Variants in NEK6 observed in about 807,000 individuals in gnomAD.
The protein encoded by NEK6 is serine/threonine-protein kinase Nek6.
NEK6 carries 27 observed loss-of-function variants against 43.5 expected under a neutral mutation model. The ratio of observed to expected loss-of-function variants is 0.62; its 90% CI spans 0.46 to 0.86. The LOEUF (loss-of-function observed/expected upper bound fraction) is 0.86. Among genes scored for constraint, NEK6 ranks in the 40% least tolerant of loss-of-function variants. NEK6 has a pLI of 0.00. For synonymous variants in NEK6, 167 were observed against 164.1 expected (o/e 1.02, Z -0.14); for missense variants, 318 against 414.4 (o/e 0.77, Z 2.02).
chr9:124,298,171 C>T (rs572669308), intron 1 of NEK6, among the ~76,000 whole-genome samples: 1 of 152,226 alleles, frequency 6.6e-6, no homozygotes, highest in South Asian at 2.1e-4. Flanking sequence ...ATGGGAAAGA[C>T]CTGGCCCACA....
intron 2 of NEK6, among the ~76,000 whole-genome samples, chr9:124,305,342 T>C (rs1207566739): frequency 6.6e-6 from 1 of 151,988 alleles, no homozygotes; most frequent in African/African-American, 2.4e-5. Context: ...ATCACCTGAG[T>C]CTGGAGTTCA....
chr9:124,292,111 C>T (rs1297900645), intron 1 of NEK6: 2 of 1,084,004 alleles, frequency 1.8e-6, no homozygotes, highest in Non-Finnish European at 2.2e-6. Flanking sequence ...TCTCTGCCTC[C>T]TGCTGTGGGA....
chr9:124,348,303 C>T (rs1364448433), intron 9 of NEK6, among the ~76,000 whole-genome samples: 2 of 152,212 alleles, frequency 1.3e-5, no homozygotes, highest in African/African-American at 4.8e-5. Flanking sequence ...TGGGCTTCTA[C>T]TGTCAACATT....
chr9:124,304,339 A>G (rs1309088691), intron 2 of NEK6, among the ~76,000 whole-genome samples: 2 of 152,106 alleles, frequency 1.3e-5, no homozygotes, highest in African/African-American at 4.8e-5. Context: ...CTTCCCTGAA[A>G]CCATCCTCAG....
Position 124,326,317 on chromosome 9 carries a change from T to TC in NEK6, c.406-8dup. ...ACCCGGGCCTATCCCTCTGCTTGTC[T>TC]CCCCCACTGCAGTACTTTAAGAAGC... On this transcript the variant is annotated splice_polypyrimidine_tract_variant and intron_variant, in intron 5 of 9. Coordinates refer to ENST00000320246, the MANE Select transcript of NEK6 (RefSeq NM_014397.6). The surrounding 1 kb of genome is among the most constrained non-coding windows in gnomAD (Gnocchi z 4.5). 1 of 1,582,042 alleles carries TC rather than the reference T, an allele frequency of 6.3e-7. No homozygotes were observed. The highest frequency in any genetic ancestry group is 1.1e-5 in the South Asian group (1 of 90,754).
At chr9:124,267,254 C>A (rs1831266020) in intron 1 of NEK6, among the ~76,000 whole-genome samples, 1 of 152,238 alleles carries the variant, frequency 6.6e-6, no homozygotes, top group Non-Finnish European at 1.5e-5. Flanking sequence ...GTGGCCTTGG[C>A]GGGCCACCAG....
chr9:124,294,148 C>T (rs1296593129), intron 1 of NEK6, among the ~76,000 whole-genome samples: 2 of 152,194 alleles, frequency 1.3e-5, no homozygotes, highest in African/African-American at 2.4e-5. Context: ...GGAGGATCAC[C>T]TGAGGTCAGT....
At chr9:124,282,057 G>T (rs960952865) in intron 1 of NEK6, among the ~76,000 whole-genome samples, 2 of 152,220 alleles carry the variant, frequency 1.3e-5, no homozygotes, top group African/African-American at 4.8e-5. Flanking sequence ...GCGGTGGGGC[G>T]TATTGGTTTC....
intron 4 of NEK6, among the ~76,000 whole-genome samples, chr9:124,320,596 T>C (rs907267039): frequency 6.6e-6 from 1 of 152,180 alleles, no homozygotes; most frequent in African/African-American, 2.4e-5. Flanking sequence ...CTCTTTGATA[T>C]AAACAGTCAG....
chr9:124,312,880 C>T (rs750026495), intron 3 of NEK6, among the ~76,000 whole-genome samples: 6 of 152,214 alleles, frequency 3.9e-5, no homozygotes, highest in Non-Finnish European at 7.3e-5. Context: ...TGTACTGGGT[C>T]ATGCAAGGAG....
chr9:124,291,034 C>G (rs1455763665), intron 1 of NEK6, among the ~76,000 whole-genome samples: 5 of 152,148 alleles, frequency 3.3e-5, no homozygotes, highest in Non-Finnish European at 7.3e-5. Flanking sequence ...AATGCAGGGC[C>G]CGAATAAAGA....
chr9:124,288,139 C>T (rs927158003), intron 1 of NEK6, among the ~76,000 whole-genome samples: 1 of 152,234 alleles, frequency 6.6e-6, no homozygotes, highest in African/African-American at 2.4e-5. Context: ...GGCCCAAAGG[C>T]CTGGTGTCCA....
intron 1 of NEK6, among the ~76,000 whole-genome samples, chr9:124,280,222 C>T (rs1469890769): frequency 6.6e-6 from 1 of 152,232 alleles, no homozygotes; most frequent in Non-Finnish European, 1.5e-5. Context: ...AAAAGTGTGT[C>T]CTGTGACTGC....
intron 4 of NEK6, 60 bp from the exon 5 acceptor site, chr9:124,321,399 G>T: frequency 9.0e-7 from 1 of 1,106,516 alleles, no homozygotes; most frequent in Non-Finnish European, 1.4e-6. Flanking sequence ...GTGGCAGGCA[G>T]GCACTGGGTC....
intron 1 of NEK6, among the ~76,000 whole-genome samples, chr9:124,280,629 C>T (rs1167969118): frequency 1.3e-5 from 2 of 152,214 alleles, no homozygotes; most frequent in Non-Finnish European, 2.9e-5. Flanking sequence ...ATCAGGCCTC[C>T]AGGGCCACAT....
chr9:124,336,543 C>T (rs749318025), intron 7 of NEK6, among the ~76,000 whole-genome samples: 1 of 152,192 alleles, frequency 6.6e-6, no homozygotes, highest in Non-Finnish European at 1.5e-5. Flanking sequence ...GGTCCATTCT[C>T]CTCCCAGGGT....
chr9:124,344,596 C>T (rs1015636312), intron 8 of NEK6, among the ~76,000 whole-genome samples: 1 of 152,250 alleles, frequency 6.6e-6, no homozygotes, highest in Admixed American at 6.5e-5. Flanking sequence ...CTTGGGATAT[C>T]GGAAGGCCGG....
chr9:124,314,046 G>A, intron 4 of NEK6, 61 bp downstream of exon 4: 1 of 1,478,628 alleles, frequency 6.8e-7, no homozygotes, highest in Non-Finnish European at 9.4e-7. Context: ...GGCCGCGGCT[G>A]GGCCACATCA....
intron 1 of NEK6, among the ~76,000 whole-genome samples, chr9:124,264,951 T>C (rs1458648971): frequency 6.6e-6 from 1 of 152,128 alleles, no homozygotes; most frequent in South Asian, 2.1e-4. Context: ...GCCTGTTGCC[T>C]GTTTTACATA....
Sources: gnomAD v4.1 joint callset for allele counts (sites outside exome capture counted in the v4.1 genomes callset) on GRCh38, gnomAD v4.1.1 for gene constraint, Gnocchi (gnomAD v3.1) non-coding constraint, MANE v1.5 for transcripts, NCBI Gene and HGNC (gene_info 2026-07-23, HGNC 2026-07-21) for gene names.